MGAT5: variants seen among roughly 807,000 people sequenced by gnomAD.
MGAT5 encodes alpha-1,6-mannosylglycoprotein 6-beta-N-acetylglucosaminyltransferase A.
Under a neutral mutation model 94.3 loss-of-function variants are expected in MGAT5, and 30 were observed. The observed-to-expected ratio is 0.32, with a 90% CI of 0.24 to 0.43. MGAT5 has a LOEUF of 0.43. Ranked by LOEUF, MGAT5 falls within the 20% of genes least tolerant of loss-of-function variation. The pLI is 1.00. For synonymous variants in MGAT5, 310 were observed against 322.9 expected, an observed-to-expected ratio of 0.96 and a Z score of 0.43; for missense variants, 691 against 905.5, an observed-to-expected ratio of 0.76 and a Z score of 3.04.
intron 2 of MGAT5, among the ~76,000 whole-genome samples, chr2:134,281,749 T>A (rs2105720615): frequency 6.6e-6 from 1 of 152,330 alleles, no homozygotes; most frequent in Non-Finnish European, 1.5e-5. Flanking sequence ...GCGGGAGTGC[T>A]CAGCTCTCAA....
At chr2:134,442,384 A>T (rs1445002807) in intron 15 of MGAT5, among the ~76,000 whole-genome samples, 1 of 152,104 alleles carries the variant, frequency 6.6e-6, no homozygotes, top group African/African-American at 2.4e-5. Flanking sequence ...GAAAGGAATG[A>T]GAAACATGGA....
At chr2:134,266,713 A>G (rs969249636) in intron 1 of MGAT5, among the ~76,000 whole-genome samples, 7 of 152,262 alleles carry the variant, frequency 4.6e-5, no homozygotes, top group African/African-American at 9.6e-5. Flanking sequence ...CTAGCACTGT[A>G]TAATGATACA....
In MGAT5 at chr2:134,273,009, CTG is replaced by C. The variant is rs1055619041; in HGVS notation, c.406+2470_406+2471del. 1.4e-4 allele frequency among the ~76,000 whole-genome samples: 21 copies of C among 150,748 alleles called. 1 individual carries two copies. In the South Asian group the frequency reaches 1.9e-3, roughly 14 times the overall value. On this transcript the variant is annotated intron_variant, in intron 2 of 15. Transcript: ENST00000281923. The stretch of plus-strand genomic sequence containing the variant: ...CTGGCCCGTGTATGTGTGTGTGTGT[CTG>C]TGTGTGTGTGCGCGCGCGCGTGCGC...
chr2:134,138,522 A>G (rs948574317), intron 1 of MGAT5, among the ~76,000 whole-genome samples: 1 of 152,288 alleles, frequency 6.6e-6, no homozygotes, highest in Non-Finnish European at 1.5e-5. Context: ...TAGAAAGTGG[A>G]AAATATAGGT....
At chr2:134,183,404 T>C (rs1394631864) in intron 1 of MGAT5, among the ~76,000 whole-genome samples, 1 of 152,252 alleles carries the variant, frequency 6.6e-6, no homozygotes, top group Admixed American at 6.5e-5. Flanking sequence ...CATTTGAAGC[T>C]AGAGTAACTT....
intron 9 of MGAT5, among the ~76,000 whole-genome samples, 180 bp from the exon 10 acceptor site, chr2:134,362,095 G>T (rs936059551): frequency 2.0e-5 from 3 of 152,170 alleles, no homozygotes; most frequent in African/African-American, 7.2e-5. Flanking sequence ...TCTTCATGAC[G>T]GTTTTACTGG....
At chr2:134,381,387 T>TTAAGATA (rs1558841770) in intron 10 of MGAT5, among the ~76,000 whole-genome samples, 40 of 46,888 alleles carry the variant, frequency 8.5e-4, no homozygotes, top group Admixed American at 2.7e-3. Flanking sequence ...ATAGATTAGA[T>TTAAGATA]AGATAGATAG....
chr2:134,399,550 T>C (rs1222239216), intron 10 of MGAT5, among the ~76,000 whole-genome samples: 1 of 152,108 alleles, frequency 6.6e-6, no homozygotes, highest in Non-Finnish European at 1.5e-5. Context: ...AATAAAAGCA[T>C]TAGGGGGGTT....
intron 2 of MGAT5, among the ~76,000 whole-genome samples, chr2:134,270,891 C>T (rs1041370041): frequency 7.2e-5 from 11 of 152,178 alleles, no homozygotes; most frequent in East Asian, 1.9e-4. Flanking sequence ...CTTCCTCCTC[C>T]GTACTCCCAT....
At chr2:134,358,080 C>CA (rs1324917805) in intron 9 of MGAT5, among the ~76,000 whole-genome samples, 12 of 151,206 alleles carry the variant, frequency 7.9e-5, no homozygotes, top group Non-Finnish European at 1.6e-4. Context: ...TTCAGCCATA[C>CA]AAAAAAATAG....
At chr2:134,159,752 C>T (rs565803876) in intron 1 of MGAT5, among the ~76,000 whole-genome samples, 141 of 152,268 alleles carry the variant, frequency 9.3e-4, no homozygotes, top group African/African-American at 3.0e-3. Context: ...CACTCCCGCC[C>T]CAGAGGTGGA....
chr2:134,198,079 C>T (rs1679585470), intron 1 of MGAT5, among the ~76,000 whole-genome samples: 1 of 152,182 alleles, frequency 6.6e-6, no homozygotes, highest in East Asian at 1.9e-4. Flanking sequence ...TGGGCCTTGT[C>T]ATCTGTACCA....
intron 5 of MGAT5, among the ~76,000 whole-genome samples, chr2:134,337,595 C>G (rs1688405019): frequency 6.6e-6 from 1 of 152,130 alleles, no homozygotes; most frequent in Admixed American, 6.5e-5. Context: ...TTATGTTTCT[C>G]TATTATTCCA....
intron 8 of MGAT5, among the ~76,000 whole-genome samples, chr2:134,345,920 T>A (rs1231636611): frequency 6.6e-6 from 1 of 152,194 alleles, no homozygotes; most frequent in Non-Finnish European, 1.5e-5. Context: ...AATACTGGGT[T>A]TTATTTATGG....
chr2:134,353,670 G>A (rs1045005737), intron 9 of MGAT5, among the ~76,000 whole-genome samples: 1 of 152,094 alleles, frequency 6.6e-6, no homozygotes, highest in African/African-American at 2.4e-5. Context: ...ACATGCAAAA[G>A]GAATGAATTA....
At chr2:134,292,380 G>C (rs890643089) in intron 2 of MGAT5, among the ~76,000 whole-genome samples, 5 of 152,190 alleles carry the variant, frequency 3.3e-5, no homozygotes, top group African/African-American at 1.2e-4. Context: ...GGTCAGTGAA[G>C]GTCAAAGAGG....
chr2:134,336,309 CT>C lies in MGAT5; in HGVS notation c.645+24del. On this transcript the variant is annotated intron_variant, in intron 5 of 15. Transcript: ENST00000281923. ...CATTGGTAAGTGATTTTGGAAAACT[CT>C]TTCTAGACTTGTGCATTTAGGTCAG... The C allele has an allele frequency of 1.9e-6, 3 of 1,598,654 alleles. No homozygotes were observed. In the East Asian group the frequency reaches 6.7e-5, roughly 36 times the overall value.
chr2:134,449,080 A>T lies in MGAT5; in HGVS notation c.*233A>T. 1.8e-6 allele frequency: 1 copy of T among 559,452 alleles called. No homozygotes were observed. The highest frequency in any genetic ancestry group is 2.1e-5 in the South Asian group (1 of 46,720). 34.7% of individuals were successfully genotyped at this position (559,452 alleles called of 1,614,324 possible). ...AGGAGCCTGGCTTGTCCCTGGCACA[A>T]CATCATTTCTGTTTCTCAAGGAGCA... is the stretch of plus-strand genomic sequence containing the variant. On this transcript the variant is annotated 3_prime_UTR_variant, in exon 16 of 16. Coordinates refer to ENST00000281923, the MANE Select transcript of MGAT5 (RefSeq NM_002410.5).
chr2:134,127,429 T>G (rs540485450), intron 1 of MGAT5, among the ~76,000 whole-genome samples: 163 of 152,102 alleles, frequency 1.1e-3, no homozygotes, highest in Non-Finnish European at 1.8e-3. Context: ...TACGATCAAC[T>G]TTTAGAGGTT....
Sources: gnomAD v4.1 joint callset for allele counts (sites outside exome capture counted in the v4.1 genomes callset) on GRCh38, gnomAD v4.1.1 for gene constraint, MANE v1.5 for transcripts, NCBI Gene and HGNC (gene_info 2026-07-23, HGNC 2026-07-21) for gene names.